PIGM: variants seen among roughly 807,000 people sequenced by gnomAD.
PIGM encodes phosphatidylinositol glycan anchor biosynthesis class M.
In PIGM, 7 loss-of-function variants were observed where a neutral mutation model predicts 14.6. That is an observed-to-expected ratio of 0.48 (90% CI 0.27 to 0.90). PIGM has a LOEUF of 0.90. PIGM is among the 40% of genes least tolerant of loss of function. PIGM has a pLI of 0.12. For missense variants in PIGM, 506 were observed against 516.2 expected, an observed-to-expected ratio of 0.98 and a Z score of 0.19; for synonymous variants, 216 against 215.9, an observed-to-expected ratio of 1.00 and a Z score of 0.00.
chr1:160,031,936 TCTC>T lies in PIGM; in HGVS notation c.-200_-198del, dbSNP rs1201173453. Reference sequence around the variant, plus strand: ...ACCTGTCTCCAGCCCCGCGCGGTCTTCTCAGCCGCCCGAGCCAAAAACTTGCCT... The same window carrying T: ...ACCTGTCTCCAGCCCCGCGCGGTCTTAGCCGCCCGAGCCAAAAACTTGCCT... On this transcript the variant is annotated 5_prime_UTR_variant, in exon 1 of 1. Coordinates refer to ENST00000368090, the MANE Select transcript of PIGM (RefSeq NM_145167.3). 8 of 737,138 alleles carry T rather than the reference TCTC, an allele frequency of 1.1e-5. No individual in the cohort carries two copies. The highest frequency in any genetic ancestry group is 3.7e-4 in the Middle Eastern group (1 of 2,700). 45.7% of individuals were successfully genotyped at this position (737,138 alleles called of 1,614,324 possible).
Position 160,030,975 on chromosome 1 carries a change from T to C in PIGM, c.765A>G (p.Glu255=), listed in dbSNP as rs773662311. The C allele has an allele frequency of 6.2e-7, 1 of 1,614,102 alleles. No homozygotes were observed. The highest frequency in any genetic ancestry group is 1.7e-5 in the Admixed American group (1 of 60,022). Residue 255 remains glutamate, a synonymous_variant, in exon 1 of 1, where the codon GAA becomes GAG. Coordinates refer to ENST00000368090, the MANE Select transcript of PIGM (RefSeq NM_145167.3). ...TAGTCAGGTGATAAAAGTAGGTGTG[T>C]TCCAAAAATTCCCAGCCGTACTCAT... ...FYYEYGWEFL[E]HTYFYHLTRR...
At position 160,030,937 on chromosome 1, in the gene PIGM, CG is replaced by C. The variant is rs1393654386; in HGVS notation, c.802del (p.Arg268ValfsTer13). On this transcript the variant is annotated frameshift_variant, in exon 1 of 1. Coordinates refer to ENST00000368090, the MANE Select transcript of PIGM (RefSeq NM_145167.3). LOFTEE classifies it high-confidence loss of function. Reference sequence around the variant, plus strand: ...GTAGAAGTACGGAGAAAAGTTGTGACGGATATCCCGCCTAGTCAGGTGATAA... The same window carrying C: ...GTAGAAGTACGGAGAAAAGTTGTGACGATATCCCGCCTAGTCAGGTGATAA... ...YFYHLTRRDIRHNFSPYFYML... is the reference protein window; with the variant it reads ...YFYHLTRRDIXHNFSPYFYML... 1 of 1,614,128 alleles carries C rather than the reference CG, an allele frequency of 6.2e-7. No homozygotes were observed. Among genetic ancestry groups the C allele is most frequent in the Non-Finnish European group, 8.5e-7 (1 of 1,180,020 alleles).
At position 160,030,477 on chromosome 1, in the gene PIGM, T is replaced by C. The variant is rs1261474902; in HGVS notation, c.1263A>G (p.Lys421=). The change falls in exon 1 of 1, where the codon AAA becomes AAG. Residue 421 remains lysine (K), a synonymous_variant. Coordinates refer to ENST00000368090, the MANE Select transcript of PIGM (RefSeq NM_145167.3). ...YKEEPLTERI[K]YD Reference sequence around the variant, plus strand: ...GGGTGTGGAACATACACTAGTCATATTTGATTCTCTCTGTCAGGGGTTCTT... The same window carrying C: ...GGGTGTGGAACATACACTAGTCATACTTGATTCTCTCTGTCAGGGGTTCTT... 3.7e-6 allele frequency: 6 copies of C among 1,610,550 alleles called. No homozygotes were observed. The highest frequency in any genetic ancestry group is 5.1e-6 in the Non-Finnish European group (6 of 1,176,914).
In PIGM at chr1:160,029,777, CT is replaced by C. The variant is rs57645641; in HGVS notation, c.*690del. On this transcript the variant is annotated 3_prime_UTR_variant, in exon 1 of 1. Coordinates refer to ENST00000368090, the MANE Select transcript of PIGM (RefSeq NM_145167.3). ...TTTCTATCTAAAAAGTTGTCCTTTC[CT>C]TTTTTTTTTTTTTTTTTTTTTTGAG... 0.16 allele frequency: 13,510 copies of C among 82,520 alleles called. 348 individuals carry two copies. Among genetic ancestry groups the C allele is most frequent in the Admixed American group, 0.22 (1,195 of 5,422 alleles). 5.1% of individuals were successfully genotyped at this position (82,520 alleles called of 1,614,324 possible).
rs1648351395 is a variant in PIGM, at chr1:160,031,879, C to G, written c.-140G>C. 9.6e-7 allele frequency: 1 copy of G among 1,036,344 alleles called. No homozygotes were observed. 64.2% of individuals were successfully genotyped at this position (1,036,344 alleles called of 1,614,324 possible). A position where few individuals can be genotyped will look rare whatever the true frequency, so the allele number is the denominator to read the frequency against. ...CAACCGAAACGACTGCAGACTATCA[C>G]ATCCGGCATGAAGCCCCGCCCCCGT... On this transcript the variant is annotated 5_prime_UTR_variant, in exon 1 of 1. It removes an upstream start codon present in the reference 5' UTR. Transcript: ENST00000368090.
chr1:160,030,859 G>A lies in PIGM; in HGVS notation c.881C>T (p.Ala294Val), dbSNP rs899535846. The A allele has an allele frequency of 1.1e-5, 18 of 1,614,132 alleles. No homozygotes were observed. The highest frequency in any genetic ancestry group is 1.4e-5 in the Non-Finnish European group (17 of 1,180,056). The stretch of plus-strand genomic sequence containing the variant: ...AAGCAAGATGAGCTGTGGCAGGAAT[G>A]CAGCAATTCCCAGGGAAAAACTCCA... ...SKWSFSLGIA[A>V]FLPQLILLSA... The change falls in exon 1 of 1, where the codon GCA (alanine) becomes GTA (valine). Residue 294 changes from alanine (A) to valine (V), a missense_variant. Coordinates refer to ENST00000368090, the MANE Select transcript of PIGM (RefSeq NM_145167.3).
chr1:160,031,502 G>C lies in PIGM; in HGVS notation c.238C>G (p.Leu80Val), dbSNP rs945112516. Residue 80 changes from leucine (L) to valine (V), a missense_variant, in exon 1 of 1, where the codon CTG (leucine) becomes GTG (valine). Coordinates refer to ENST00000368090, the MANE Select transcript of PIGM (RefSeq NM_145167.3). The stretch of plus-strand genomic sequence containing the variant: ...ATGTTGGGAGTGAGGAGCCAACCCA[G>C]CAGCGGGGTGTAACGGTACGTGGCT... ...LRATYRYTPL[L>V]GWLLTPNIYL... is the part of the protein sequence containing the mutation. 18 of 1,614,110 alleles carry C rather than the reference G, an allele frequency of 1.1e-5. No individual in the cohort carries two copies. In the Admixed American group the frequency reaches 2.5e-4, roughly 22 times the overall value.
chr1:160,025,797 G>A lies in PIGM; in HGVS notation c.*4671C>T, dbSNP rs1430478092. On this transcript the variant is annotated 3_prime_UTR_variant, in exon 1 of 1. Transcript: ENST00000368090. ...AACATAATATAATGGAAAAAGCATG[G>A]GTAAAAATCACTTATTAGCAAGTTG... 5 of 152,064 alleles carry A rather than the reference G, an allele frequency of 3.3e-5. No homozygotes were observed. Among genetic ancestry groups the A allele is most frequent in the Non-Finnish European group, 7.4e-5 (5 of 68,002 alleles). The allele number at this position is 152,064 out of a possible 1,614,324, so 9.4% of individuals were successfully genotyped here. A position where few individuals can be genotyped will look rare whatever the true frequency, so the allele number is the denominator to read the frequency against.
Position 160,031,617 on chromosome 1 carries a change from C to T in PIGM, c.123G>A (p.Arg41=), listed in dbSNP as rs1218192886. 6.2e-6 allele frequency: 10 copies of T among 1,614,100 alleles called. No individual in the cohort carries two copies. The highest frequency in any genetic ancestry group is 8.5e-6 in the Non-Finnish European group (10 of 1,180,026). The change falls in exon 1 of 1, where the codon CGG becomes CGA. Residue 41 remains arginine, a synonymous_variant. Transcript: ENST00000368090. ...ALVFYGVFQD[R]TLHVRYTDID... ...TGTCCGTATACCTCACGTGCAGGGT[C>T]CGGTCCTGGAAGACGCCATAGAAAA...
In PIGM at chr1:160,027,575, C is replaced by T. The variant is rs1023862454; in HGVS notation, c.*2893G>A. On this transcript the variant is annotated 3_prime_UTR_variant, in exon 1 of 1. Coordinates refer to ENST00000368090, the MANE Select transcript of PIGM (RefSeq NM_145167.3). The stretch of plus-strand genomic sequence containing the variant: ...ACACACACAATCTTGAGAATCATCC[C>T]TCTTTATCTAATAATTAATGCTTAC... 2 of 152,102 alleles carry T rather than the reference C, an allele frequency of 1.3e-5. No individual in the cohort carries two copies. The highest frequency in any genetic ancestry group is 2.9e-5 in the Non-Finnish European group (2 of 68,006). 9.4% of individuals were successfully genotyped at this position (152,102 alleles called of 1,614,324 possible).
At position 160,031,122 on chromosome 1, in the gene PIGM, T is replaced by G; in HGVS notation, c.618A>C (p.Gln206His). The change falls in exon 1 of 1, where the codon CAA becomes CAC. Residue 206 changes from glutamine (Q) to histidine (H), a missense_variant. Gln to His is a conservative substitution (Grantham distance 24). Coordinates refer to ENST00000368090, the MANE Select transcript of PIGM (RefSeq NM_145167.3). ...PDRDNDKSLR[Q>H]FRYTFQACLY... ...AACAAGCCTGGAAAGTGTACCGGAA[T>G]TGACGGAGGCTTTTGTCATTGTCGC... is the stretch of plus-strand genomic sequence containing the variant. 1 of 1,613,954 alleles carries G rather than the reference T, an allele frequency of 6.2e-7. No individual in the cohort carries two copies.
chr1:160,030,710 G>A lies in PIGM; in HGVS notation c.1030C>T (p.Pro344Ser). Residue 344 changes from proline (P) to serine (S), a missense_variant, in exon 1 of 1, where the codon CCT becomes TCT. Physicochemically the swap from Pro to Ser is moderately conservative, Grantham distance 74 (BLOSUM62 -1). Transcript: ENST00000368090. The stretch of plus-strand genomic sequence containing the variant: ...ATTCTGACTAGTGGCATCACAAGAG[G>A]CAGTAAGCAGAGGTACCAAAGAAAG... ...QYFLWYLCLL[P>S]LVMPLVRMPW... The A allele has an allele frequency of 6.2e-7, 1 of 1,614,088 alleles. No homozygotes were observed. Among genetic ancestry groups the A allele is most frequent in the Non-Finnish European group, 8.5e-7 (1 of 1,179,928 alleles).
Position 160,031,275 on chromosome 1 carries a change from C to G in PIGM, c.465G>C (p.Leu155=). The change falls in exon 1 of 1, where the codon CTG becomes CTC. Residue 155 remains leucine (L), a synonymous_variant. Transcript: ENST00000368090. ...TTTTCTTTATCAAGTAGAGGACCATCAGGACCAGGGAGGCGACAATAGAGT... is the reference window on the plus strand; with the variant it reads ...TTTTCTTTATCAAGTAGAGGACCATGAGGACCAGGGAGGCGACAATAGAGT... ...NADSIVASLV[L]MVLYLIKKRL... is the part of the protein sequence containing the mutation. The G allele has an allele frequency of 2.5e-6, 4 of 1,614,144 alleles. No homozygotes were observed. The highest frequency in any genetic ancestry group is 3.4e-6 in the Non-Finnish European group (4 of 1,180,036).
rs1648271850 is a variant in PIGM, at chr1:160,029,741, T to G, written c.*727A>C. 6.6e-6 allele frequency: 1 copy of G among 151,136 alleles called. No individual in the cohort carries two copies. Among genetic ancestry groups the G allele is most frequent in the African/African-American group, 2.4e-5 (1 of 41,158 alleles). The allele number at this position is 151,136 out of a possible 1,614,324, so 9.4% of individuals were successfully genotyped here. ...ATAATACTACTAAGCATCTTAGTAT[T>G]ATTTAATACTTTTCTATCTAAAAAG... On this transcript the variant is annotated 3_prime_UTR_variant, in exon 1 of 1. Transcript: ENST00000368090.
chr1:160,030,360 C>G lies in PIGM; in HGVS notation c.*108G>C. On this transcript the variant is annotated 3_prime_UTR_variant, in exon 1 of 1. Coordinates refer to ENST00000368090, the MANE Select transcript of PIGM (RefSeq NM_145167.3). ...TTTAAGTTCTGTTGGAACATGGGAA[C>G]TTTCACTAGAATGCTTAGAATGTTC... is the stretch of plus-strand genomic sequence containing the variant. The G allele has an allele frequency of 8.3e-7, 1 of 1,201,364 alleles. No homozygotes were observed. The highest frequency in any genetic ancestry group is 1.2e-5 in the South Asian group (1 of 81,162). 74.4% of individuals were successfully genotyped at this position (1,201,364 alleles called of 1,614,324 possible).
Position 160,030,311 on chromosome 1 carries a change from T to A in PIGM, c.*157A>T. Reference sequence around the variant, plus strand: ...GGTGGACCTCAATTATTGTGTCCCTTTTATATATAAGGCAAACATTGCTTT... The same window carrying A: ...GGTGGACCTCAATTATTGTGTCCCTATTATATATAAGGCAAACATTGCTTT... On this transcript the variant is annotated 3_prime_UTR_variant, in exon 1 of 1. Transcript: ENST00000368090. 1 of 780,560 alleles carries A rather than the reference T, an allele frequency of 1.3e-6. No homozygotes were observed. Among genetic ancestry groups the A allele is most frequent in the Non-Finnish European group, 2.1e-6 (1 of 465,698 alleles). 48.4% of individuals were successfully genotyped at this position (780,560 alleles called of 1,614,324 possible).
At position 160,026,343 on chromosome 1, in the gene PIGM, AATAG is replaced by A. The variant is rs1286727771; in HGVS notation, c.*4121_*4124del. 2 of 152,244 alleles carry A rather than the reference AATAG, an allele frequency of 1.3e-5. No homozygotes were observed. The highest frequency in any genetic ancestry group is 2.4e-5 in the African/African-American group (1 of 41,472). The allele number at this position is 152,244 out of a possible 1,614,324, so 9.4% of individuals were successfully genotyped here. A position where few individuals can be genotyped will look rare whatever the true frequency, so the allele number is the denominator to read the frequency against. On this transcript the variant is annotated 3_prime_UTR_variant, in exon 1 of 1. Coordinates refer to ENST00000368090, the MANE Select transcript of PIGM (RefSeq NM_145167.3). Reference sequence around the variant, plus strand: ...TGAAAATGACAGAATGTTAAATCATAATAGATAGCAGAATTATGGTTTTGTAAGA... The same window carrying A: ...TGAAAATGACAGAATGTTAAATCATAATAGCAGAATTATGGTTTTGTAAGA...
chr1:160,031,253 T>C lies in PIGM; in HGVS notation c.487A>G (p.Lys163Glu). 1 of 1,614,180 alleles carries C rather than the reference T, an allele frequency of 6.2e-7. No individual in the cohort carries two copies. The highest frequency in any genetic ancestry group is 8.5e-7 in the Non-Finnish European group (1 of 1,180,034). The change falls in exon 1 of 1, where the codon AAA becomes GAA. Residue 163 changes from lysine (K) to glutamate (E), a missense_variant. Transcript: ENST00000368090. Reference sequence around the variant, plus strand: ...ACAGCTGCACACGCGACGAGTCTTTTCTTTATCAAGTAGAGGACCATCAGG... The same window carrying C: ...ACAGCTGCACACGCGACGAGTCTTTCCTTTATCAAGTAGAGGACCATCAGG... ...LVLMVLYLIK[K>E]RLVACAAVFY... is the part of the protein sequence containing the mutation.
rs372017050 is a variant in PIGM, at chr1:160,031,095, C to G, written c.645G>C (p.Leu215Phe). Residue 215 changes from leucine to phenylalanine, a missense_variant, in exon 1 of 1, where the codon TTG becomes TTC. By Grantham distance (22) the Leu-to-Phe change is conservative. Coordinates refer to ENST00000368090, the MANE Select transcript of PIGM (RefSeq NM_145167.3). ...RQFRYTFQACLYELLKRLCNR... is the reference protein window; with the variant it reads ...RQFRYTFQACFYELLKRLCNR... ...TACACAGCCTTTTCAGGAGCTCGTA[C>G]AAACAAGCCTGGAAAGTGTACCGGA... 6.2e-7 allele frequency: 1 copy of G among 1,614,100 alleles called. No individual in the cohort carries two copies. The highest frequency in any genetic ancestry group is 1.6e-4 in the Middle Eastern group (1 of 6,062).
Sources: allele counts gnomAD v4.1 joint callset, GRCh38; gene constraint gnomAD v4.1.1; transcripts MANE v1.5; gene names NCBI Gene and HGNC (gene_info 2026-07-23, HGNC 2026-07-21).